The following FNDC3A variants were observed in gnomAD, a reference collection of about 807,000 sequenced individuals.
The protein encoded by FNDC3A is fibronectin type III domain containing 3A, also known as fibronectin type-III domain-containing protein 3A.
In FNDC3A, 32 loss-of-function variants were observed where a neutral mutation model predicts 148.9. The observed-to-expected ratio is 0.21, with a 90% CI of 0.16 to 0.29. The LOEUF is 0.29. FNDC3A is among the 10% of genes least tolerant of loss of function. The probability of loss-of-function intolerance (pLI) is 1.00; values close to 1 mark genes in which losing one functional copy is unlikely to be tolerated. For synonymous variants in FNDC3A, 472 were observed against 473.6 expected (o/e 1.00, Z 0.04); for missense variants, 1,191 against 1,452.8 (o/e 0.82, Z 2.93).
chr13:49,206,629 T>C (rs923388906), intron 25 of FNDC3A, among the ~76,000 whole-genome samples: 1 of 152,216 alleles, frequency 6.6e-6, no homozygotes, highest in East Asian at 1.9e-4. Context: ...GCTCCCCTTA[T>C]TCATTTTCCA....
intron 14 of FNDC3A, among the ~76,000 whole-genome samples, chr13:49,185,698 T>A (rs570661598): frequency 6.6e-6 from 1 of 152,346 alleles, no homozygotes; most frequent in Admixed American, 6.5e-5. Context: ...AGCTTGTTCC[T>A]CTGATTCTTA....
At chr13:49,186,313 A>G (rs1885567919) in intron 15 of FNDC3A, among the ~76,000 whole-genome samples, 1 of 152,202 alleles carries the variant, frequency 6.6e-6, no homozygotes, top group African/African-American at 2.4e-5. Context: ...GGAACTTGCG[A>G]TCCACTGTAA....
chr13:49,039,155 G>C (rs1250089224), intron 2 of FNDC3A, among the ~76,000 whole-genome samples: 1 of 152,232 alleles, frequency 6.6e-6, no homozygotes, highest in East Asian at 1.9e-4. Flanking sequence ...AATTGAAGTA[G>C]GGGACCAAGG....
At chr13:49,117,638 A>C (rs2137886371) in intron 4 of FNDC3A, among the ~76,000 whole-genome samples, 1 of 152,362 alleles carries the variant, frequency 6.6e-6, no homozygotes, top group East Asian at 1.9e-4. Context: ...GAACACGTAC[A>C]GACTTTCTTG....
Position 49,209,395 on chromosome 13 carries a change from T to C in FNDC3A, c.*2000T>C, listed in dbSNP as rs1352628206. Reference sequence around the variant, plus strand: ...AAACAATTTTTAATGTAATCTTGATTTTACCTCATATACTGTACATTCCAA... The same window carrying C: ...AAACAATTTTTAATGTAATCTTGATCTTACCTCATATACTGTACATTCCAA... On this transcript the variant is annotated 3_prime_UTR_variant, in exon 26 of 26. Coordinates refer to ENST00000492622, the MANE Select transcript of FNDC3A (RefSeq NM_001079673.2). 2 of 152,610 alleles carry C rather than the reference T, an allele frequency of 1.3e-5. No individual in the cohort carries two copies. Among genetic ancestry groups the C allele is most frequent in the Non-Finnish European group, 2.9e-5 (2 of 68,026 alleles). 9.5% of individuals were successfully genotyped at this position (152,610 alleles called of 1,614,324 possible). A position where few individuals can be genotyped will look rare whatever the true frequency, so the allele number is the denominator to read the frequency against.
At chr13:49,167,906 T>C (rs1272327285) in intron 9 of FNDC3A, among the ~76,000 whole-genome samples, 1 of 152,210 alleles carries the variant, frequency 6.6e-6, no homozygotes, top group African/African-American at 2.4e-5. Context: ...TTTTGGAATT[T>C]TTATAAAATA....
At chr13:49,183,316 A>G (rs1225454767) in intron 14 of FNDC3A, among the ~76,000 whole-genome samples, 1 of 152,058 alleles carries the variant, frequency 6.6e-6, no homozygotes, top group Non-Finnish European at 1.5e-5. Context: ...GGCCTTAGTA[A>G]TCTTTGTCCT....
chr13:49,084,270 T>TA (rs1878665680), intron 3 of FNDC3A, among the ~76,000 whole-genome samples: 2 of 152,252 alleles, frequency 1.3e-5, no homozygotes, highest in Non-Finnish European at 2.9e-5. Context: ...GCCTGTTTCA[T>TA]CTTTTATCAT....
intron 1 of FNDC3A, among the ~76,000 whole-genome samples, chr13:48,991,387 C>T (rs931770305): frequency 1.4e-4 from 21 of 152,012 alleles, no homozygotes; most frequent in African/African-American, 4.8e-4. Context: ...TATAAATATG[C>T]ATCTAGTATA....
chr13:49,064,090 C>T (rs1877086519), intron 2 of FNDC3A, among the ~76,000 whole-genome samples: 3 of 152,116 alleles, frequency 2.0e-5, no homozygotes, highest in Admixed American at 2.0e-4. Context: ...TGCCTGTAAT[C>T]CCAGCACTTT....
chr13:49,085,083 A>C (rs1878720210), intron 3 of FNDC3A, among the ~76,000 whole-genome samples: 1 of 152,158 alleles, frequency 6.6e-6, no homozygotes, highest in Admixed American at 6.6e-5. Flanking sequence ...TGTCCCAACC[A>C]GTTAGTAACC....
intron 8 of FNDC3A, among the ~76,000 whole-genome samples, chr13:49,164,947 C>T (rs1338749059): frequency 6.6e-6 from 1 of 152,104 alleles, no homozygotes; most frequent in African/African-American, 2.4e-5. Context: ...GTTTTTAGTC[C>T]TTTGTTGATG....
chr13:48,979,482 T>C (rs1018431104), intron 1 of FNDC3A, among the ~76,000 whole-genome samples: 1 of 151,894 alleles, frequency 6.6e-6, no homozygotes, highest in African/African-American at 2.4e-5. Context: ...TTGGAAGTAG[T>C]AGTAGAATAA....
chr13:49,167,222 T>TA (rs1884516245), intron 8 of FNDC3A, 22 bp from the exon 9 acceptor site: 6 of 1,505,886 alleles, frequency 4.0e-6, no homozygotes, highest in Non-Finnish European at 4.6e-6. Context: ...TCAGACATGA[T>TA]ATATTACCCT....
At chr13:49,201,229 G>C in intron 23 of FNDC3A, 2 of 202,542 alleles carry the variant, frequency 9.9e-6, no homozygotes, top group Admixed American at 5.7e-5. Context: ...AGTTCAAGTG[G>C]GTAATGTATT....
intron 1 of FNDC3A, among the ~76,000 whole-genome samples, chr13:48,999,039 A>G (rs1407939334): frequency 6.6e-6 from 1 of 152,236 alleles, no homozygotes; most frequent in Non-Finnish European, 1.5e-5. Context: ...GCATGGGCCC[A>G]AAGGGCAAGG....
intron 2 of FNDC3A, among the ~76,000 whole-genome samples, chr13:49,039,007 A>G (rs1370999341): frequency 2.6e-5 from 4 of 152,192 alleles, no homozygotes; most frequent in African/African-American, 9.7e-5. Context: ...TCCCAGGACA[A>G]TTCTAAGACA....
chr13:49,018,939 T>C (rs936438890), intron 2 of FNDC3A, among the ~76,000 whole-genome samples: 3 of 152,176 alleles, frequency 2.0e-5, no homozygotes, highest in Non-Finnish European at 2.9e-5. Flanking sequence ...GGGACCCACT[T>C]GAGGAGGCAG....
intron 4 of FNDC3A, among the ~76,000 whole-genome samples, chr13:49,122,151 C>T (rs1038091738): frequency 2.6e-5 from 4 of 152,122 alleles, no homozygotes; most frequent in African/African-American, 9.7e-5. Context: ...GCTTATCCAC[C>T]ATAATCAAGT....
Sources: allele counts gnomAD v4.1 joint callset (sites outside exome capture counted in the v4.1 genomes callset), GRCh38; gene constraint gnomAD v4.1.1; transcripts MANE v1.5; gene names NCBI Gene and HGNC (gene_info 2026-07-23, HGNC 2026-07-21).